Variants in TENM4 observed in about 807,000 individuals in gnomAD.
The protein encoded by TENM4 is teneurin transmembrane protein 4.
In TENM4, 82 loss-of-function variants were observed where a neutral mutation model predicts 243.3. That is an observed-to-expected ratio of 0.34 (90% CI 0.28 to 0.40). The LOEUF (loss-of-function observed/expected upper bound fraction) is 0.40, where lower values mean the gene tolerates loss of function less well. Among genes scored for constraint, TENM4 ranks in the 10% least tolerant of loss-of-function variants. The pLI is 1.00. For synonymous variants in TENM4, 1,412 were observed against 1,456.3 expected, an observed-to-expected ratio of 0.97 and a Z score of 0.69; for missense variants, 3,138 against 3,673.3, an observed-to-expected ratio of 0.85 and a Z score of 3.77.
chr11:79,242,320 G>A (rs992986888), intron 2 of TENM4, among the ~76,000 whole-genome samples: 4 of 151,852 alleles, frequency 2.6e-5, no homozygotes, highest in Admixed American at 6.6e-5. Context: ...TTCCTTCATT[G>A]CCTGTGAGGC....
chr11:79,123,042 G>A (rs1406135685), intron 4 of TENM4, among the ~76,000 whole-genome samples: 1 of 152,150 alleles, frequency 6.6e-6, no homozygotes, highest in Admixed American at 6.5e-5. Context: ...TGATGCCAGT[G>A]GGGGCAGAAA....
intron 2 of TENM4, among the ~76,000 whole-genome samples, chr11:79,268,057 A>T (rs4945336): frequency 0.023 from 3,521 of 152,316 alleles, 222 homozygotes; most frequent in Admixed American, 0.13. Context: ...CAGGTATAAA[A>T]TTCCCAGTGT....
At chr11:78,861,297 T>C (rs543775268) in intron 10 of TENM4, among the ~76,000 whole-genome samples, 1 of 152,336 alleles carries the variant, frequency 6.6e-6, no homozygotes, top group South Asian at 2.1e-4. Flanking sequence ...GAATGCACCT[T>C]AGAGAGAATC....
In TENM4 at chr11:78,863,025, G is replaced by A. The variant is rs1438245971; in HGVS notation, c.1192C>T (p.Leu398=). 4.6e-6 allele frequency: 7 copies of A among 1,536,312 alleles called. No homozygotes were observed. In the East Asian group the frequency reaches 9.9e-5, roughly 22 times the overall value. ...SSWPVPTDVS[L]YPSGGTGLET... ...AAGCCAGTGCCCCCTGAGGGGTATA[G>A]GGAGACGTCGGTTGGCACAGGCCAA... Residue 398 remains leucine (L), a synonymous_variant, in exon 10 of 34, where the codon CTA becomes TTA. Transcript: ENST00000278550.
chr11:78,837,253 T>G (rs1858139945), intron 12 of TENM4, among the ~76,000 whole-genome samples: 1 of 152,168 alleles, frequency 6.6e-6, no homozygotes, highest in South Asian at 2.1e-4. Context: ...TCTCATGAGA[T>G]CTGATGATTT....
intron 1 of TENM4, among the ~76,000 whole-genome samples, chr11:79,423,725 G>A (rs1858988827): frequency 6.6e-6 from 1 of 152,034 alleles, no homozygotes; most frequent in Non-Finnish European, 1.5e-5. Context: ...GTTTCCAGGA[G>A]CTGAGGATTT....
chr11:79,396,671 C>T (rs1165009752), intron 1 of TENM4, among the ~76,000 whole-genome samples: 1 of 152,202 alleles, frequency 6.6e-6, no homozygotes, highest in Non-Finnish European at 1.5e-5. Context: ...AGCGGCCAAG[C>T]CAAAGCGTCC....
At chr11:79,321,224 G>A (rs1240841152) in intron 1 of TENM4, among the ~76,000 whole-genome samples, 3 of 152,074 alleles carry the variant, frequency 2.0e-5, no homozygotes, top group Non-Finnish European at 2.9e-5. Flanking sequence ...CAGGACTCCT[G>A]GATACCAAAA....
chr11:79,360,241 G>A (rs2135491834), intron 1 of TENM4, among the ~76,000 whole-genome samples: 1 of 152,152 alleles, frequency 6.6e-6, no homozygotes, highest in South Asian at 2.1e-4. Flanking sequence ...TACTGGGCTG[G>A]GCATACAACA....
rs1405271571 is a variant in TENM4 at position 79,215,904 on chromosome 11, T to C, written c.-259A>G. ...TTGGATCCTGGAGGATGGTGCGGGA[T>C]CTTTTCTGTTGAAGCAGAGAACACA... On this transcript the variant is annotated 5_prime_UTR_variant, in exon 3 of 34. Transcript: ENST00000278550. 13 of 979,068 alleles carry C rather than the reference T, an allele frequency of 1.3e-5. No homozygotes were observed. Among genetic ancestry groups the C allele is most frequent in the Non-Finnish European group, 1.5e-5 (12 of 823,928 alleles). 60.6% of individuals were successfully genotyped at this position (979,068 alleles called of 1,614,324 possible).
intron 6 of TENM4, among the ~76,000 whole-genome samples, chr11:78,909,182 C>G (rs1856127341): frequency 6.6e-6 from 1 of 152,118 alleles, no homozygotes; most frequent in South Asian, 2.1e-4. Flanking sequence ...TGCTCATAGT[C>G]TAGTAAAGAA....
At position 78,717,290 on chromosome 11, in the gene TENM4, C is replaced by T. The variant is rs377583653; in HGVS notation, c.3821+3080G>A. Reference sequence around the variant, plus strand: ...CTGGGAACCTAGGAGTCTGTAGGGACATACAGGCTCACTTCCTTGTGAGTG... The same window carrying T: ...CTGGGAACCTAGGAGTCTGTAGGGATATACAGGCTCACTTCCTTGTGAGTG... On this transcript the variant is annotated intron_variant, in intron 25 of 33. Transcript: ENST00000278550. Among the ~76,000 whole-genome samples, 6 of 152,316 alleles carry T rather than the reference C, an allele frequency of 3.9e-5. No homozygotes were observed. In the East Asian group the frequency reaches 9.6e-4, roughly 24 times the overall value.
chr11:79,158,070 G>A (rs1342058302), intron 3 of TENM4, among the ~76,000 whole-genome samples: 1 of 152,156 alleles, frequency 6.6e-6, no homozygotes, highest in Non-Finnish European at 1.5e-5. Context: ...GCTTGCCCAG[G>A]ACCCAGGGAC....
At chr11:78,969,881 A>G (rs1163435410) in intron 6 of TENM4, among the ~76,000 whole-genome samples, 1 of 152,230 alleles carries the variant, frequency 6.6e-6, no homozygotes, top group Non-Finnish European at 1.5e-5. Context: ...TGACACCTAG[A>G]AAGAAAATAA....
At chr11:79,359,962 G>A (rs973422080) in intron 1 of TENM4, among the ~76,000 whole-genome samples, 3 of 152,058 alleles carry the variant, frequency 2.0e-5, no homozygotes. Flanking sequence ...GACACAAACT[G>A]TACGCATGGC....
Position 78,672,199 on chromosome 11 carries a change from G to C in TENM4, c.5627C>G (p.Pro1876Arg). ...DQAGRPSLWSPSSRLNGVNVT... is the reference protein window; with the variant it reads ...DQAGRPSLWSRSSRLNGVNVT... ...GTTGACACCATTCAGCCTGCTGCTG[G>C]GTGACCAGAGGCTGGGCCGCCCCGC... The change falls in exon 31 of 34, where the codon CCC (proline) becomes CGC (arginine). Residue 1876 changes from proline to arginine, a missense_variant. Physicochemically the swap from Pro to Arg is moderately radical, Grantham distance 103. Transcript: ENST00000278550. 6.2e-7 allele frequency: 1 copy of C among 1,613,832 alleles called. No homozygotes were observed. Among genetic ancestry groups the C allele is most frequent in the Admixed American group, 1.7e-5 (1 of 60,000 alleles).
intron 4 of TENM4, among the ~76,000 whole-genome samples, chr11:79,131,468 C>A (rs1013726429): frequency 1.3e-5 from 2 of 152,164 alleles, no homozygotes; most frequent in African/African-American, 4.8e-5. Context: ...CTTTTTCAGA[C>A]AAACAAATAC....
At chr11:79,174,027 T>C (rs947743495) in intron 3 of TENM4, among the ~76,000 whole-genome samples, 1 of 152,082 alleles carries the variant, frequency 6.6e-6, no homozygotes, top group East Asian at 1.9e-4. Context: ...ATTCCAGGAG[T>C]TTAGAGATTT....
chr11:78,950,245 T>C (rs1410972340), intron 6 of TENM4, among the ~76,000 whole-genome samples: 1 of 152,114 alleles, frequency 6.6e-6, no homozygotes, highest in African/African-American at 2.4e-5. Context: ...CAGGGCCCAA[T>C]AGAGGCATCT....
Sources: allele counts gnomAD v4.1 joint callset (sites outside exome capture counted in the v4.1 genomes callset), GRCh38; gene constraint gnomAD v4.1.1; transcripts MANE v1.5; gene names NCBI Gene and HGNC (gene_info 2026-07-23, HGNC 2026-07-21).